PPP1R16B: variants seen among roughly 807,000 people sequenced by gnomAD.
PPP1R16B encodes the protein protein phosphatase 1 regulatory inhibitor subunit 16B.
Under a neutral mutation model 61.7 loss-of-function variants are expected in PPP1R16B, and 14 were observed. The observed-to-expected ratio is 0.23, with a 90% CI of 0.15 to 0.35. The LOEUF is 0.35. Among genes scored for constraint, PPP1R16B ranks in the 10% least tolerant of loss-of-function variants. The pLI, the probability that PPP1R16B is intolerant of heterozygous loss-of-function variation, is 1.00. For missense variants in PPP1R16B, 547 were observed against 752.5 expected (o/e 0.73, Z 3.19); for synonymous variants, 266 against 305.3 (o/e 0.87, Z 1.34).
chr20:38,875,863 C>T (rs926334766), intron 2 of PPP1R16B, among the ~76,000 whole-genome samples: 2 of 151,966 alleles, frequency 1.3e-5, no homozygotes, highest in Admixed American at 1.3e-4. Context: ...TGTTCCCTTC[C>T]TGGCCACGAT....
intron 1 of PPP1R16B, among the ~76,000 whole-genome samples, chr20:38,825,788 C>T (rs936174735): frequency 5.3e-5 from 8 of 152,180 alleles, no homozygotes; most frequent in Non-Finnish European, 8.8e-5. Flanking sequence ...CATAAAGTAC[C>T]ATGCCCAGCC....
Position 38,806,824 on chromosome 20 carries a change from C to T in PPP1R16B, c.-102+1032C>T, listed in dbSNP as rs555128505. ...GCTTTGAATCTGGCCCTCCTGAGAC[C>T]CCAGGGCTGCGCCGCTGCCGCGCGC... On this transcript the variant is annotated intron_variant, in intron 1 of 10. Transcript: ENST00000299824. This position sits in a 1 kb window ranked among gnomAD's most constrained non-coding sequence, Gnocchi z 4.5. Among the ~76,000 whole-genome samples, 20 of 152,252 alleles carry T rather than the reference C, an allele frequency of 1.3e-4. 1 individual carries two copies. In the South Asian group the frequency reaches 3.7e-3, roughly 28 times the overall value.
At position 38,919,476 on chromosome 20, in the gene PPP1R16B, G is replaced by A. The variant is rs1238416006; in HGVS notation, c.*810G>A. On this transcript the variant is annotated 3_prime_UTR_variant, in exon 11 of 11. Transcript: ENST00000299824. ...TTGGATGGAAGTGTCAAAGGCAGAA[G>A]GGTGTGGGAGGGGGACAAGGTCAGT... is the stretch of plus-strand genomic sequence containing the variant. The A allele has an allele frequency of 6.6e-6, 1 of 152,230 alleles. No individual in the cohort carries two copies. Among genetic ancestry groups the A allele is most frequent in the African/African-American group, 2.4e-5 (1 of 41,436 alleles). The allele number at this position is 152,230 out of a possible 1,614,324, so 9.4% of individuals were successfully genotyped here.
chr20:38,872,088 G>A (rs2085134223), intron 2 of PPP1R16B, among the ~76,000 whole-genome samples: 1 of 152,214 alleles, frequency 6.6e-6, no homozygotes, highest in Admixed American at 6.5e-5. Context: ...CACCGTGGAG[G>A]GTGGCAGGCA....
intron 2 of PPP1R16B, among the ~76,000 whole-genome samples, chr20:38,855,943 T>TATATAGAGAGAGAGAGAG (rs1555804333): frequency 6.6e-5 from 1 of 15,058 alleles, no homozygotes; most frequent in Non-Finnish European, 9.9e-5. Context: ...TATATATATA[T>TATATAGAGAGAGAGAGAG]AGAGAGAGAG....
chr20:38,917,532 G>A (rs1383137688), intron 10 of PPP1R16B, among the ~76,000 whole-genome samples: 1 of 152,154 alleles, frequency 6.6e-6, no homozygotes, highest in African/African-American at 2.4e-5. Context: ...ATTATTAGGT[G>A]TACAGGATCC....
chr20:38,818,139 T>C (rs1004174317), intron 1 of PPP1R16B, among the ~76,000 whole-genome samples: 4 of 152,212 alleles, frequency 2.6e-5, no homozygotes, highest in African/African-American at 9.6e-5. Context: ...TACATCTTGG[T>C]TCAAATCTTA....
intron 4 of PPP1R16B, among the ~76,000 whole-genome samples, chr20:38,895,959 T>TCTTTCTCTCCTCCCTTCCTCC (rs2085338052): frequency 3.3e-5 from 1 of 30,380 alleles, no homozygotes; most frequent in African/African-American, 1.9e-4. Context: ...CTCCCTCCTT[T>TCTTTCTCTCCTCCCTTCCTCC]CTTCTTTCTT....
intron 2 of PPP1R16B, among the ~76,000 whole-genome samples, chr20:38,853,022 T>C (rs1568662527): frequency 6.6e-6 from 1 of 152,024 alleles, no homozygotes; most frequent in East Asian, 1.9e-4. Flanking sequence ...TCCATTCCCC[T>C]CGGTCTCCCA....
At chr20:38,913,921 G>A (rs1267460140) in intron 10 of PPP1R16B, among the ~76,000 whole-genome samples, 1 of 152,240 alleles carries the variant, frequency 6.6e-6, no homozygotes, top group Non-Finnish European at 1.5e-5. Flanking sequence ...GCTGGGCGCA[G>A]TGGCTCACGC....
rs1391467436 is a variant in PPP1R16B, at chr20:38,895,981, T to TC, written c.467+273dup. 6.8e-4 allele frequency among the ~76,000 whole-genome samples: 64 copies of TC among 93,652 alleles called. 8 individuals are homozygous for TC. The highest frequency in any genetic ancestry group is 3.3e-3 in the African/African-American group (56 of 16,806). The allele number at this position is 93,652 out of a possible 152,430, so 61.4% of individuals were successfully genotyped here. On this transcript the variant is annotated intron_variant, in intron 4 of 10. Coordinates refer to ENST00000299824, the MANE Select transcript of PPP1R16B (RefSeq NM_015568.4). Reference sequence around the variant, plus strand: ...CTTTCTTCTTTCTTCCCTCCCTCCCTCCTTCCTTCTTTCTCTCCTCCCTTC... The same window carrying TC: ...CTTTCTTCTTTCTTCCCTCCCTCCCTCCCTTCCTTCTTTCTCTCCTCCCTTC...
At chr20:38,808,576 G>A (rs2044099254) in intron 1 of PPP1R16B, among the ~76,000 whole-genome samples, 1 of 151,272 alleles carries the variant, frequency 6.6e-6, no homozygotes, top group Non-Finnish European at 1.5e-5. Context: ...GGGAGCCAGA[G>A]AGGTCTAATT....
At chr20:38,832,175 C>T (rs764821264) in intron 1 of PPP1R16B, among the ~76,000 whole-genome samples, 1 of 152,222 alleles carries the variant, frequency 6.6e-6, no homozygotes, top group Non-Finnish European at 1.5e-5. Context: ...GACTTAATCA[C>T]TCTGTGCCTT....
rs2084664487 is a variant in PPP1R16B, at chr20:38,806,726, C to T, written c.-102+934C>T. 6.6e-6 allele frequency among the ~76,000 whole-genome samples: 1 copy of T among 152,182 alleles called. No homozygotes were observed. The highest frequency in any genetic ancestry group is 1.5e-5 in the Non-Finnish European group (1 of 68,030). The stretch of plus-strand genomic sequence containing the variant: ...CCCTTCCTCCGCTCCCCCACCCCGG[C>T]CCGGCCTCCAGCTTCACTGGAGATG... On this transcript the variant is annotated intron_variant, in intron 1 of 10. Transcript: ENST00000299824. This position sits in a 1 kb window ranked among gnomAD's most constrained non-coding sequence, Gnocchi z 4.5.
chr20:38,854,454 G>A (rs991927146), intron 2 of PPP1R16B, among the ~76,000 whole-genome samples: 1 of 152,228 alleles, frequency 6.6e-6, no homozygotes, highest in Non-Finnish European at 1.5e-5. Context: ...TCATCAGCCA[G>A]ATGGAAGAAA....
intron 10 of PPP1R16B, among the ~76,000 whole-genome samples, chr20:38,913,676 G>A (rs1214311065): frequency 6.6e-6 from 1 of 152,148 alleles, no homozygotes; most frequent in Non-Finnish European, 1.5e-5. Context: ...AAAGGAGTTC[G>A]TTTCCTAGGG....
At position 38,806,352 on chromosome 20, in the gene PPP1R16B, G is replaced by A. The variant is rs1452996934; in HGVS notation, c.-102+560G>A. Among the ~76,000 whole-genome samples, 4 of 152,016 alleles carry A rather than the reference G, an allele frequency of 2.6e-5. No individual in the cohort carries two copies. Among genetic ancestry groups the A allele is most frequent in the Non-Finnish European group, 5.9e-5 (4 of 67,948 alleles). On this transcript the variant is annotated intron_variant, in intron 1 of 10. Transcript: ENST00000299824. This position sits in a 1 kb window ranked among gnomAD's most constrained non-coding sequence, Gnocchi z 4.5. ...GGCAGGCGCCTCCACCTGCAGACCC[G>A]CCCCGCCTCAGGATCCGGCTGACAG...
At chr20:38,844,824 G>C (rs2084927350) in intron 2 of PPP1R16B, among the ~76,000 whole-genome samples, 1 of 152,156 alleles carries the variant, frequency 6.6e-6, no homozygotes, top group Admixed American at 6.5e-5. Flanking sequence ...GAAAATGCAA[G>C]TAATTTCTTA....
chr20:38,848,207 G>C (rs1367910715), intron 2 of PPP1R16B, among the ~76,000 whole-genome samples: 2 of 152,106 alleles, frequency 1.3e-5, no homozygotes, highest in East Asian at 3.8e-4. Context: ...TCCTCATCTA[G>C]TGATGTATAT....
Sources: allele counts gnomAD v4.1 joint callset (sites outside exome capture counted in the v4.1 genomes callset), GRCh38; gene constraint gnomAD v4.1.1; non-coding constraint Gnocchi (gnomAD v3.1); transcripts MANE v1.5; gene names NCBI Gene and HGNC (gene_info 2026-07-23, HGNC 2026-07-21).